HBS1L: variants seen among roughly 807,000 people sequenced by gnomAD.
HBS1L encodes HBS1 like translational GTPase.
In HBS1L, 55 loss-of-function variants were observed where a neutral mutation model predicts 88.9. The ratio of observed to expected loss-of-function variants is 0.62; its 90% CI spans 0.50 to 0.77. The LOEUF (loss-of-function observed/expected upper bound fraction) is 0.77. HBS1L is among the 30% of genes least tolerant of loss of function. The pLI is 0.00. For missense variants in HBS1L, 741 were observed against 829.3 expected (o/e 0.89, Z 1.31); for synonymous variants, 267 against 288.5 (o/e 0.93, Z 0.76).
At chr6:135,027,652 T>G (rs1207945569) in intron 4 of HBS1L, among the ~76,000 whole-genome samples, 2 of 152,222 alleles carry the variant, frequency 1.3e-5, no homozygotes, top group African/African-American at 4.8e-5. Flanking sequence ...AACAGTTTAT[T>G]TAAATAGAGA....
intron 2 of HBS1L, among the ~76,000 whole-genome samples, chr6:135,047,655 T>A (rs1338349064): frequency 6.6e-6 from 1 of 152,228 alleles, no homozygotes; most frequent in Non-Finnish European, 1.5e-5. Flanking sequence ...TAAATACATA[T>A]AACAGTCTCC....
At chr6:135,045,526 G>C (rs2114919019) in intron 2 of HBS1L, among the ~76,000 whole-genome samples, 1 of 152,284 alleles carries the variant, frequency 6.6e-6, no homozygotes, top group Admixed American at 6.5e-5. Context: ...GAATGAAGCA[G>C]GAAATTTGTA....
At chr6:135,040,440 C>T (rs1272255003) in intron 3 of HBS1L, among the ~76,000 whole-genome samples, 2 of 148,944 alleles carry the variant, frequency 1.3e-5, no homozygotes, top group African/African-American at 2.5e-5. Context: ...CAACCTCCGT[C>T]TCCCTGATTC....
rs1012901280 is a variant in HBS1L, at chr6:134,964,033, G to A, written c.*1246C>T. On this transcript the variant is annotated 3_prime_UTR_variant, in exon 18 of 18. Coordinates refer to ENST00000367837, the MANE Select transcript of HBS1L (RefSeq NM_006620.4). The stretch of plus-strand genomic sequence containing the variant: ...AGCAATATACCAAGTGTGTTCACTT[G>A]GTAATCATTCACTAAGCAACACATG... 6.6e-6 allele frequency: 1 copy of A among 152,102 alleles called. No homozygotes were observed. The highest frequency in any genetic ancestry group is 1.5e-5 in the Non-Finnish European group (1 of 68,020). 9.4% of individuals were successfully genotyped at this position (152,102 alleles called of 1,614,324 possible).
rs532265602 is a variant in HBS1L at position 135,037,930 on chromosome 6, T to C, written c.430+1643A>G. Reference sequence around the variant, plus strand: ...GTATTTTCCTACTGAGCTAGCAAAATCAAAGGGTTTGCTACTATAATCCAA... The same window carrying C: ...GTATTTTCCTACTGAGCTAGCAAAACCAAAGGGTTTGCTACTATAATCCAA... On this transcript the variant is annotated intron_variant, in intron 4 of 17. Transcript: ENST00000367837. The C allele has an allele frequency of 3.2e-5, 50 of 1,550,488 alleles. No homozygotes were observed. The East Asian group carries it at 1.2e-3, about 36-fold the overall frequency.
At chr6:135,010,920 T>G (rs1408350343) in intron 4 of HBS1L, among the ~76,000 whole-genome samples, 3 of 152,188 alleles carry the variant, frequency 2.0e-5, no homozygotes, top group African/African-American at 7.2e-5. Flanking sequence ...ACATGAATGT[T>G]ATATATAGGA....
Position 134,978,797 on chromosome 6 carries a change from CA to C in HBS1L, c.1689-11del, listed in dbSNP as rs772977819. ...AAATATGCAGCCAACACTGTAAGAA[CA>C]ACAAAAAAAGAGGAAAGGTAATTGG... On this transcript the variant is annotated splice_polypyrimidine_tract_variant and intron_variant, in intron 14 of 17. Coordinates refer to ENST00000367837, the MANE Select transcript of HBS1L (RefSeq NM_006620.4). 2.6e-6 allele frequency: 4 copies of C among 1,537,698 alleles called. No individual in the cohort carries two copies. In the African/African-American group the frequency reaches 5.6e-5, roughly 21 times the overall value.
chr6:135,044,948 T>G (rs1184361369), intron 2 of HBS1L, among the ~76,000 whole-genome samples: 1 of 152,084 alleles, frequency 6.6e-6, no homozygotes, highest in Admixed American at 6.6e-5. Flanking sequence ...TTTTCTGTGG[T>G]GGGGTCGAGG....
At chr6:134,975,343 T>G (rs1774612923) in intron 15 of HBS1L, among the ~76,000 whole-genome samples, 1 of 152,142 alleles carries the variant, frequency 6.6e-6, no homozygotes, top group Non-Finnish European at 1.5e-5. Context: ...TTGCCCAATC[T>G]ACAGATTTGG....
Position 134,997,482 on chromosome 6 carries a change from A to G in HBS1L, c.714T>C (p.Ser238=). 1 of 1,614,026 alleles carries G rather than the reference A, an allele frequency of 6.2e-7. No homozygotes were observed. The highest frequency in any genetic ancestry group is 8.5e-7 in the Non-Finnish European group (1 of 1,179,966). The change falls in exon 6 of 18, where the codon TCT becomes TCC. Residue 238 remains serine, a synonymous_variant. Transcript: ENST00000367837. ...CATCTATTTGCTGCCTCAGCTTGCC[A>G]GACTTTTTCACCGGTGCTGGGGTTG... The part of the protein sequence containing the change: ...QSSTPAPVKK[S]GKLRQQIDVK...
chr6:135,004,021 T>A (rs985039478), intron 4 of HBS1L, among the ~76,000 whole-genome samples: 2 of 152,128 alleles, frequency 1.3e-5, no homozygotes, highest in Non-Finnish European at 2.9e-5. Context: ...TCAGAAAAAG[T>A]ACCACCAGGA....
intron 4 of HBS1L, among the ~76,000 whole-genome samples, chr6:135,022,348 T>A (rs1483316699): frequency 1.3e-5 from 2 of 151,568 alleles, no homozygotes; most frequent in African/African-American, 4.8e-5. Context: ...GTAATTAATG[T>A]CAAAAGAAGA....
chr6:134,973,150 C>A (rs1346319885), intron 15 of HBS1L, among the ~76,000 whole-genome samples: 1 of 152,186 alleles, frequency 6.6e-6, no homozygotes, highest in Non-Finnish European at 1.5e-5. Flanking sequence ...CACCCGTTTT[C>A]ACAGCAGCAT....
intron 15 of HBS1L, among the ~76,000 whole-genome samples, 185 bp from the exon 16 acceptor site, chr6:134,969,523 AG>A (rs1774421727): frequency 6.6e-6 from 1 of 152,208 alleles, no homozygotes; most frequent in Admixed American, 6.5e-5. Context: ...AGAGGAAAAA[AG>A]TCATGAGAGG....
chr6:135,038,514 C>G (rs1776628828), intron 4 of HBS1L, among the ~76,000 whole-genome samples: 1 of 152,218 alleles, frequency 6.6e-6, no homozygotes, highest in South Asian at 2.1e-4. Flanking sequence ...ATTCCCATCA[C>G]AGCCAGTTAC....
In HBS1L at chr6:135,009,667, T is replaced by A. The variant is rs564369419; in HGVS notation, c.431-6825A>T. Reference sequence around the variant, plus strand: ...TTTTTTTTTTGAGACGGAGTCTCGCTCTGTTGCCCAGGCTGGAGTGCAGTG... The same window carrying A: ...TTTTTTTTTTGAGACGGAGTCTCGCACTGTTGCCCAGGCTGGAGTGCAGTG... On this transcript the variant is annotated intron_variant, in intron 4 of 17. Transcript: ENST00000367837. 1.2e-3 allele frequency among the ~76,000 whole-genome samples: 188 copies of A among 152,264 alleles called. 1 individual carries two copies. Among genetic ancestry groups the A allele is most frequent in the Middle Eastern group, 3.4e-3 (1 of 292 alleles).
intron 5 of HBS1L, among the ~76,000 whole-genome samples, chr6:134,999,450 T>TC (rs1775384928): frequency 7.0e-6 from 1 of 143,074 alleles, no homozygotes; most frequent in Non-Finnish European, 1.5e-5. Context: ...TTTCTTTTCT[T>TC]TTTTTTTTTT....
chr6:135,024,439 C>CAAAAAAAAA (rs60663059), intron 4 of HBS1L, among the ~76,000 whole-genome samples: 1 of 66,494 alleles, frequency 1.5e-5, no homozygotes, highest in African/African-American at 4.8e-5. Context: ...GACTTCGTCT[C>CAAAAAAAAA]AAAAAAAAAA....
intron 4 of HBS1L, among the ~76,000 whole-genome samples, chr6:135,020,932 G>GT (rs1260665518): frequency 6.6e-6 from 1 of 151,734 alleles, no homozygotes; most frequent in Non-Finnish European, 1.5e-5. Flanking sequence ...GTTAAAATGG[G>GT]TTTTTTCAAA....
Sources: allele counts gnomAD v4.1 joint callset (sites outside exome capture counted in the v4.1 genomes callset), GRCh38; gene constraint gnomAD v4.1.1; transcripts MANE v1.5; gene names NCBI Gene and HGNC (gene_info 2026-07-23, HGNC 2026-07-21).